Variants in GPC5 observed in about 807,000 individuals in gnomAD.
The protein encoded by GPC5 is glypican 5.
In GPC5, 47 loss-of-function variants were observed where a neutral mutation model predicts 53.9. That is an observed-to-expected ratio of 0.87 (90% CI 0.69 to 1.11). GPC5 has a LOEUF of 1.11. Among genes scored for constraint, GPC5 ranks in the 50% most tolerant of loss-of-function variants. The pLI, the probability that GPC5 is intolerant of heterozygous loss-of-function variation, is 0.00. For synonymous variants in GPC5, 286 were observed against 263.3 expected (o/e 1.09, Z -0.84); for missense variants, 748 against 713.1 (o/e 1.05, Z -0.56).
intron 2 of GPC5, among the ~76,000 whole-genome samples, chr13:91,507,857 G>A (rs16946059): frequency 6.6e-6 from 1 of 152,036 alleles, no homozygotes; most frequent in African/African-American, 2.4e-5. Context: ...TTGAAACTTT[G>A]CTCTCTTAGC....
At chr13:92,595,165 A>G (rs1464377635) in intron 7 of GPC5, among the ~76,000 whole-genome samples, 2 of 152,190 alleles carry the variant, frequency 1.3e-5, no homozygotes, top group Non-Finnish European at 2.9e-5. Flanking sequence ...CTTTGTAAGT[A>G]AACTGTCATA....
intron 2 of GPC5, among the ~76,000 whole-genome samples, chr13:91,649,026 T>TCA (rs778528558): frequency 1.2e-4 from 18 of 152,152 alleles, no homozygotes; most frequent in Non-Finnish European, 2.4e-4. Flanking sequence ...ATGCCGCTGT[T>TCA]CTCATGGTAG....
intron 5 of GPC5, among the ~76,000 whole-genome samples, chr13:91,786,143 C>T (rs990082316): frequency 7.2e-5 from 11 of 152,096 alleles, no homozygotes; most frequent in Non-Finnish European, 1.5e-5. Flanking sequence ...ATTACAGGTG[C>T]CCACCACCAC....
chr13:91,612,067 T>C (rs2033568324), intron 2 of GPC5, among the ~76,000 whole-genome samples: 1 of 152,196 alleles, frequency 6.6e-6, no homozygotes, highest in South Asian at 2.1e-4. Context: ...ATTTTGCCTC[T>C]AGTTATCACT....
At chr13:92,421,807 G>C (rs959188895) in intron 7 of GPC5, among the ~76,000 whole-genome samples, 1 of 152,016 alleles carries the variant, frequency 6.6e-6, no homozygotes, top group East Asian at 1.9e-4. Context: ...AGCCAGAGAC[G>C]GTGTCTTCAT....
intron 6 of GPC5, among the ~76,000 whole-genome samples, chr13:91,975,567 T>A (rs1455536180): frequency 6.6e-6 from 1 of 152,070 alleles, no homozygotes; most frequent in Non-Finnish European, 1.5e-5. Flanking sequence ...AAAACCACAA[T>A]AAGATACCAT....
chr13:92,783,613 C>A (rs536543140), intron 7 of GPC5, among the ~76,000 whole-genome samples: 1 of 152,254 alleles, frequency 6.6e-6, no homozygotes, highest in East Asian at 1.9e-4. Context: ...AATCAAAGGG[C>A]CAGAATCCAT....
chr13:92,469,477 T>TA (rs1423286202), intron 7 of GPC5, among the ~76,000 whole-genome samples: 1 of 152,196 alleles, frequency 6.6e-6, no homozygotes, highest in African/African-American at 2.4e-5. Flanking sequence ...GTTAAATCAT[T>TA]AATCTAAGGT....
At chr13:91,796,383 G>A (rs1245523300) in intron 5 of GPC5, among the ~76,000 whole-genome samples, 3 of 152,196 alleles carry the variant, frequency 2.0e-5, no homozygotes, top group Non-Finnish European at 4.4e-5. Context: ...AGCAGTGGTG[G>A]ACAGCGAGCC....
chr13:91,703,498 A>T (rs903458551), intron 3 of GPC5, among the ~76,000 whole-genome samples: 2 of 152,126 alleles, frequency 1.3e-5, no homozygotes, highest in Admixed American at 1.3e-4. Flanking sequence ...TATATGGTGA[A>T]TCATCCTTGC....
At position 91,496,914 on chromosome 13, in the gene GPC5, C is replaced by T. The variant is rs34851210; in HGVS notation, c.325+47992C>T. 3.4e-3 allele frequency among the ~76,000 whole-genome samples: 517 copies of T among 152,170 alleles called. 4 individuals are homozygous for T. The highest frequency in any genetic ancestry group is 5.3e-3 in the Non-Finnish European group (359 of 68,008). On this transcript the variant is annotated intron_variant, in intron 2 of 7. Transcript: ENST00000377067. ...TAAATATATGCACCTAATATGTACCCGCAACAGTTAAAAATAGAAAAATTT... is the reference window on the plus strand; with the variant it reads ...TAAATATATGCACCTAATATGTACCTGCAACAGTTAAAAATAGAAAAATTT...
At chr13:91,598,288 T>C (rs1401298655) in intron 2 of GPC5, among the ~76,000 whole-genome samples, 1 of 151,816 alleles carries the variant, frequency 6.6e-6, no homozygotes, top group African/African-American at 2.4e-5. Context: ...ATGCACTTTT[T>C]ATATTGTGTG....
chr13:92,129,442 G>C (rs575256984), intron 6 of GPC5, among the ~76,000 whole-genome samples: 1 of 152,116 alleles, frequency 6.6e-6, no homozygotes, highest in Non-Finnish European at 1.5e-5. Context: ...CTTTTATATA[G>C]TGTCCAGCAT....
rs185961093 is a variant in GPC5, at chr13:92,035,198, G to C, written c.1402-109632G>C. 1.0e-3 allele frequency among the ~76,000 whole-genome samples: 142 copies of C among 135,820 alleles called. 2 individuals are homozygous for C. Among genetic ancestry groups the C allele is most frequent in the African/African-American group, 3.5e-3 (125 of 35,692 alleles). 89.1% of individuals were successfully genotyped at this position (135,820 alleles called of 152,430 possible). On this transcript the variant is annotated intron_variant, in intron 6 of 7. Transcript: ENST00000377067. ...CCACTACACTCCAGCCTGGGCGACA[G>C]AGCGAGACTCCGTCTCAAAAAAAAA... is the stretch of plus-strand genomic sequence containing the variant.
chr13:91,952,108 G>A (rs548788103), intron 6 of GPC5, among the ~76,000 whole-genome samples: 4 of 152,058 alleles, frequency 2.6e-5, no homozygotes, highest in African/African-American at 9.6e-5. Context: ...TTTGGTATAT[G>A]TTCTGCTAGG....
intron 7 of GPC5, among the ~76,000 whole-genome samples, chr13:92,300,557 A>T (rs1029740687): frequency 1.3e-5 from 2 of 152,184 alleles, no homozygotes; most frequent in African/African-American, 4.8e-5. Context: ...CAGTCAAGAG[A>T]AGTTAATTCA....
At chr13:92,207,922 G>C (rs1439660678) in intron 7 of GPC5, among the ~76,000 whole-genome samples, 5 of 152,170 alleles carry the variant, frequency 3.3e-5, no homozygotes, top group Non-Finnish European at 7.4e-5. Flanking sequence ...GGACCAATTT[G>C]TAGCTCCCAA....
chr13:92,723,070 T>A (rs1019579770), intron 7 of GPC5, among the ~76,000 whole-genome samples: 10 of 151,870 alleles, frequency 6.6e-5, no homozygotes, highest in African/African-American at 2.4e-4. Flanking sequence ...CATTTGTTAA[T>A]AATATAGCCT....
chr13:92,049,897 A>T (rs2041013919), intron 6 of GPC5, among the ~76,000 whole-genome samples: 1 of 152,176 alleles, frequency 6.6e-6, no homozygotes, highest in Non-Finnish European at 1.5e-5. Context: ...AGAAAAATTT[A>T]AAAGAAAATT....
Sources: gnomAD v4.1 joint callset for allele counts (sites outside exome capture counted in the v4.1 genomes callset) on GRCh38, gnomAD v4.1.1 for gene constraint, MANE v1.5 for transcripts, NCBI Gene and HGNC (gene_info 2026-07-23, HGNC 2026-07-21) for gene names.